The following TRIO variants were observed in gnomAD, a reference collection of about 807,000 sequenced individuals.
TRIO encodes the protein triple functional domain protein.
In TRIO, 58 loss-of-function variants were observed where a neutral mutation model predicts 351.9. The ratio of observed to expected loss-of-function variants is 0.16; its 90% confidence interval spans 0.13 to 0.21. The LOEUF is 0.21. Among genes scored for constraint, TRIO ranks in the 10% least tolerant of loss-of-function variants. The pLI, the probability that TRIO is intolerant of heterozygous loss-of-function variation, is 1.00. For synonymous variants in TRIO, 1,758 were observed against 1,595.7 expected, an observed-to-expected ratio of 1.10 and a Z score of -2.42; for missense variants, 3,201 against 4,027.8, an observed-to-expected ratio of 0.79 and a Z score of 5.56.
chr5:14,487,925 C>T lies in TRIO; in HGVS notation c.7297C>T (p.Pro2433Ser). ...CGCCTCGGGGTCGAGCCCAGACGCC[C>T]CCGCCAAGGACGCGCGCGCTAGCCT... is the stretch of plus-strand genomic sequence containing the variant. ...ANASGSSPDA[P>S]AKDARASLGT... is the part of the protein sequence containing the mutation. The change falls in exon 48 of 57, where the codon CCC becomes TCC. Residue 2433 changes from proline to serine, a missense_variant. Coordinates refer to ENST00000344204, the MANE Select transcript of TRIO (RefSeq NM_007118.4). 6.5e-7 allele frequency: 1 copy of T among 1,539,802 alleles called. No individual in the cohort carries two copies. Among genetic ancestry groups the T allele is most frequent in the Middle Eastern group, 1.9e-4 (1 of 5,294 alleles).
rs1241509894 is a variant in TRIO at position 14,293,142 on chromosome 5, A to G, written c.1176+8A>G. 2 of 1,614,048 alleles carry G rather than the reference A, an allele frequency of 1.2e-6. No individual in the cohort carries two copies. The highest frequency in any genetic ancestry group is 3.3e-5 in the Admixed American group (2 of 60,004). ...TTTGCCATGAACTGTATGGTAAGAC[A>G]CTCGGAACAGCTGGACCCTGGCATG... On this transcript the variant is annotated splice_region_variant and intron_variant, in intron 6 of 56. Coordinates refer to ENST00000344204, the MANE Select transcript of TRIO (RefSeq NM_007118.4).
intron 1 of TRIO, among the ~76,000 whole-genome samples, chr5:14,216,332 A>G (rs1432653500): frequency 6.6e-6 from 1 of 152,230 alleles, no homozygotes; most frequent in Non-Finnish European, 1.5e-5. Flanking sequence ...AGAGCCAGCC[A>G]TAGAATTCAC....
intron 7 of TRIO, among the ~76,000 whole-genome samples, chr5:14,302,416 T>A (rs1737982452): frequency 6.6e-6 from 1 of 152,196 alleles, no homozygotes. Flanking sequence ...AATTTGTGTT[T>A]GAAAAACAAT....
intron 33 of TRIO, among the ~76,000 whole-genome samples, chr5:14,419,209 G>GGGCAGAA (rs1479328448): frequency 6.6e-6 from 1 of 152,098 alleles, no homozygotes; most frequent in Non-Finnish European, 1.5e-5. Context: ...TGAGGGCAGA[G>GGGCAGAA]GGCAGAGGGC....
intron 1 of TRIO, among the ~76,000 whole-genome samples, chr5:14,201,625 G>T (rs1791115683): frequency 6.6e-6 from 1 of 152,174 alleles, no homozygotes; most frequent in Non-Finnish European, 1.5e-5. Flanking sequence ...CCTGTATCTG[G>T]ATCAAAGGAG....
At position 14,297,149 on chromosome 5, in the gene TRIO, G is replaced by T; in HGVS notation, c.1254G>T (p.Gln418His). ...AGTCTGGCCACTATGCCTCGCAGCA[G>T]ATCAGGCAGATCGCGAGTCAGCTGG... ...LVESGHYASQ[Q>H]IRQIASQLEQ... is the part of the protein sequence containing the mutation. Residue 418 changes from glutamine (Q) to histidine (H), a missense_variant, in exon 7 of 57, where the codon CAG (glutamine) becomes CAT (histidine). Coordinates refer to ENST00000344204, the MANE Select transcript of TRIO (RefSeq NM_007118.4). 2 of 1,614,204 alleles carry T rather than the reference G, an allele frequency of 1.2e-6. No individual in the cohort carries two copies. The highest frequency in any genetic ancestry group is 2.2e-5 in the South Asian group (2 of 91,084).
intron 34 of TRIO, among the ~76,000 whole-genome samples, chr5:14,434,564 T>C (rs1368576636): frequency 1.3e-5 from 2 of 152,246 alleles, no homozygotes; most frequent in African/African-American, 2.4e-5. Context: ...AGAGAATTTC[T>C]GTACACCCTG....
At chr5:14,243,246 C>G (rs1193357906) in intron 1 of TRIO, among the ~76,000 whole-genome samples, 2 of 152,056 alleles carry the variant, frequency 1.3e-5, no homozygotes, top group Non-Finnish European at 2.9e-5. Flanking sequence ...GCTGTTACTC[C>G]CCCCTCCCTC....
intron 2 of TRIO, among the ~76,000 whole-genome samples, chr5:14,275,661 C>T (rs900923849): frequency 6.6e-6 from 1 of 150,402 alleles, no homozygotes; most frequent in Admixed American, 6.6e-5. Context: ...TCATCTTCTT[C>T]TCCCCGAGAT....
At chr5:14,311,178 AGGTGCAGCCTAT>A (rs1219084602) in intron 8 of TRIO, among the ~76,000 whole-genome samples, 1 of 152,254 alleles carries the variant, frequency 6.6e-6, no homozygotes, top group Admixed American at 6.5e-5. Context: ...AGTAGAGCCC[AGGTGCAGCCTAT>A]GGAACACACA....
chr5:14,505,770 C>A (rs952186427), intron 55 of TRIO, among the ~76,000 whole-genome samples: 13 of 152,300 alleles, frequency 8.5e-5, no homozygotes, highest in African/African-American at 3.1e-4. Context: ...AGGCCTCCCA[C>A]CCATGGCTGC....
At chr5:14,337,945 A>G (rs1171548803) in intron 11 of TRIO, among the ~76,000 whole-genome samples, 1 of 152,232 alleles carries the variant, frequency 6.6e-6, no homozygotes, top group African/African-American at 2.4e-5. Flanking sequence ...TCATCAGGAT[A>G]GAAACTGGCA....
At chr5:14,483,398 C>T (rs1228762067) in intron 46 of TRIO, among the ~76,000 whole-genome samples, 1 of 152,242 alleles carries the variant, frequency 6.6e-6, no homozygotes, top group Non-Finnish European at 1.5e-5. Context: ...CGCCAGGGTC[C>T]TCCTGGCTCT....
chr5:14,151,767 G>A (rs571001854), intron 1 of TRIO, among the ~76,000 whole-genome samples: 43 of 152,178 alleles, frequency 2.8e-4, no homozygotes, highest in African/African-American at 1.0e-3. Context: ...CTTTTTTGCT[G>A]CTGCCATTGA....
intron 37 of TRIO, chr5:14,466,502 G>T (rs1754273894): frequency 6.6e-6 from 1 of 152,208 alleles, no homozygotes; most frequent in Non-Finnish European, 1.5e-5. Context: ...GGCATGTGTT[G>T]CTTCTAACTG....
intron 1 of TRIO, among the ~76,000 whole-genome samples, chr5:14,160,913 A>T (rs1047037627): frequency 6.6e-6 from 1 of 152,016 alleles, no homozygotes; most frequent in Non-Finnish European, 1.5e-5. Context: ...CCAAACATAC[A>T]TTTATTATTT....
At chr5:14,470,741 G>C (rs1423142115) in intron 37 of TRIO, among the ~76,000 whole-genome samples, 2 of 152,246 alleles carry the variant, frequency 1.3e-5, no homozygotes, top group African/African-American at 4.8e-5. Flanking sequence ...TAGAGGGATA[G>C]AATGGAAGTT....
At chr5:14,354,078 G>C (rs1166735204) in intron 11 of TRIO, among the ~76,000 whole-genome samples, 1 of 152,178 alleles carries the variant, frequency 6.6e-6, no homozygotes, top group East Asian at 1.9e-4. Context: ...CCCAGTTCAG[G>C]GCCCAGACAT....
At chr5:14,175,095 A>G (rs1192205686) in intron 1 of TRIO, among the ~76,000 whole-genome samples, 3 of 152,290 alleles carry the variant, frequency 2.0e-5, no homozygotes, top group South Asian at 2.1e-4. Context: ...AAGTTTCTCT[A>G]TGCACTTAAA....
Sources: allele counts gnomAD v4.1 joint callset (sites outside exome capture counted in the v4.1 genomes callset), GRCh38; gene constraint gnomAD v4.1.1; transcripts MANE v1.5; gene names NCBI Gene and HGNC (gene_info 2026-07-23, HGNC 2026-07-21).